PDE11A: variants seen among roughly 807,000 people sequenced by gnomAD.
PDE11A encodes dual 3',5'-cyclic-AMP and -GMP phosphodiesterase 11A.
In PDE11A, 100 loss-of-function variants were observed where a neutral mutation model predicts 100.5. That is an observed-to-expected ratio of 1.00 (90% CI 0.85 to 1.18). The LOEUF (loss-of-function observed/expected upper bound fraction) is 1.18. PDE11A is among the 50% of genes most tolerant of loss of function. The pLI is 0.00. For missense variants in PDE11A, 1,141 were observed against 1,152.6 expected (o/e 0.99, Z 0.15); for synonymous variants, 381 against 420.8 (o/e 0.91, Z 1.16).
intron 19 of PDE11A, among the ~76,000 whole-genome samples, chr2:177,658,173 T>G (rs1036662788): frequency 6.6e-6 from 1 of 152,132 alleles, no homozygotes; most frequent in Non-Finnish European, 1.5e-5. Flanking sequence ...GTACCAGGGG[T>G]CCTTCTCTTG....
At chr2:177,664,642 T>C (rs968515512) in intron 18 of PDE11A, among the ~76,000 whole-genome samples, 19 of 152,286 alleles carry the variant, frequency 1.2e-4, no homozygotes, top group African/African-American at 4.6e-4. Flanking sequence ...AAACAATCAA[T>C]TGGAATTTTA....
intron 10 of PDE11A, among the ~76,000 whole-genome samples, chr2:177,741,280 T>G (rs930735275): frequency 2.0e-5 from 3 of 152,188 alleles, no homozygotes; most frequent in African/African-American, 7.2e-5. Context: ...CGGCCTTCTC[T>G]CTGTACATGT....
chr2:177,866,252 C>T (rs1213590774), intron 5 of PDE11A, among the ~76,000 whole-genome samples: 1 of 152,154 alleles, frequency 6.6e-6, no homozygotes, highest in Non-Finnish European at 1.5e-5. Flanking sequence ...GTCCAAGCCT[C>T]CCCTGGAGCT....
intron 15 of PDE11A, among the ~76,000 whole-genome samples, chr2:177,692,958 G>A (rs2081061769): frequency 1.3e-5 from 2 of 152,080 alleles, no homozygotes; most frequent in African/African-American, 4.8e-5. Context: ...CAAAAGGCAG[G>A]GCTCTACCCT....
rs1441393727 is a variant in PDE11A at position 177,736,069 on chromosome 2, C to A, written c.1789-7897G>T. ...CTGGGAATATTTGAAGACCAAGCAA[C>A]CCTTTGTGTCCTCCAGGGAAAAGGA... On this transcript the variant is annotated intron_variant, in intron 10 of 19. Transcript: ENST00000286063. Among the ~76,000 whole-genome samples the A allele has an allele frequency of 2.0e-5, 3 of 152,192 alleles. No homozygotes were observed. In the East Asian group the frequency reaches 5.8e-4, roughly 29 times the overall value.
intron 3 of PDE11A, among the ~76,000 whole-genome samples, chr2:177,904,879 A>T (rs1214225394): frequency 2.0e-5 from 3 of 151,990 alleles, no homozygotes; most frequent in Non-Finnish European, 4.4e-5. Context: ...AGAAGCTTGT[A>T]CCCCTTCCCC....
At chr2:178,099,630 C>A (rs894407857) in intron 2 of PDE11A, among the ~76,000 whole-genome samples, 1 of 151,964 alleles carries the variant, frequency 6.6e-6, no homozygotes, top group Non-Finnish European at 1.5e-5. Context: ...GAAATTAGAA[C>A]CCTTGTGTAT....
intron 9 of PDE11A, among the ~76,000 whole-genome samples, chr2:177,800,296 A>C (rs554971974): frequency 2.6e-5 from 4 of 151,936 alleles, no homozygotes; most frequent in African/African-American, 9.7e-5. Flanking sequence ...CAGCTTCCTG[A>C]GTAGCTGGGA....
intron 4 of PDE11A, among the ~76,000 whole-genome samples, chr2:177,877,710 G>C (rs79721908): frequency 0.011 from 1,690 of 152,212 alleles, 31 homozygotes; most frequent in African/African-American, 0.038. Context: ...CAGTTCCAAG[G>C]CCTTTTAATT....
At chr2:177,822,412 A>T (rs1173963479) in intron 6 of PDE11A, among the ~76,000 whole-genome samples, 1 of 151,880 alleles carries the variant, frequency 6.6e-6, no homozygotes, top group African/African-American at 2.4e-5. Context: ...ATATATTTGG[A>T]TCTGTTTCTG....
rs2105427399 is a variant in PDE11A, at chr2:177,629,097, T to C, written c.*310A>G. The C allele has an allele frequency of 4.7e-6, 2 of 423,468 alleles. No homozygotes were observed. The highest frequency in any genetic ancestry group is 8.8e-6 in the Non-Finnish European group (2 of 226,208). 26.2% of individuals were successfully genotyped at this position (423,468 alleles called of 1,614,324 possible). A position where few individuals can be genotyped will look rare whatever the true frequency, so the allele number is the denominator to read the frequency against. ...CAGTGTTCCCTCAGCTCAGAGTAAG[T>C]AGGCCGACTGTCCACAGGTCCTTGG... On this transcript the variant is annotated 3_prime_UTR_variant, in exon 20 of 20. Coordinates refer to ENST00000286063, the MANE Select transcript of PDE11A (RefSeq NM_016953.4).
intron 2 of PDE11A, among the ~76,000 whole-genome samples, chr2:177,925,586 T>G (rs1240291445): frequency 1.3e-5 from 2 of 152,222 alleles, no homozygotes; most frequent in African/African-American, 4.8e-5. Context: ...GTTTGTTTTT[T>G]TCTTGTAAAT....
chr2:177,973,295 GT>G (rs1455246539), intron 2 of PDE11A, among the ~76,000 whole-genome samples: 1 of 120,538 alleles, frequency 8.3e-6, no homozygotes, highest in African/African-American at 3.3e-5. Context: ...GGGTCAGGGA[GT>G]TCCCTTTCCG....
intron 13 of PDE11A, among the ~76,000 whole-genome samples, chr2:177,709,442 T>C (rs1198120555): frequency 6.6e-6 from 1 of 152,048 alleles, no homozygotes; most frequent in Non-Finnish European, 1.5e-5. Context: ...GTGGGGCCAT[T>C]CCTTGGGGTA....
intron 9 of PDE11A, among the ~76,000 whole-genome samples, chr2:177,815,687 T>A (rs574053254): frequency 3.9e-5 from 6 of 152,294 alleles, no homozygotes; most frequent in Non-Finnish European, 1.5e-5. Flanking sequence ...GCCAGAAAAT[T>A]AAAAGCACAT....
At chr2:177,890,280 C>T (rs1312224987) in intron 4 of PDE11A, among the ~76,000 whole-genome samples, 1 of 152,186 alleles carries the variant, frequency 6.6e-6, no homozygotes, top group Non-Finnish European at 1.5e-5. Flanking sequence ...TCCAGGATGA[C>T]TTGTCTGCAA....
chr2:177,807,071 G>A lies in PDE11A; in HGVS notation c.1737+9758C>T, dbSNP rs149986342. Among the ~76,000 whole-genome samples the A allele has an allele frequency of 1.2e-3, 175 of 152,048 alleles. 1 individual carries two copies. The highest frequency in any genetic ancestry group is 4.1e-3 in the African/African-American group (172 of 41,498). On this transcript the variant is annotated intron_variant, in intron 9 of 19. Transcript: ENST00000286063. ...AACTCTTAGATCCAAGAAACTCGGC[G>A]AACACCAAGCATAAGAAACATAAAG...
chr2:177,986,085 A>C (rs2085935894), intron 2 of PDE11A, among the ~76,000 whole-genome samples: 1 of 152,182 alleles, frequency 6.6e-6, no homozygotes, highest in Non-Finnish European at 1.5e-5. Flanking sequence ...TGTTGTATGC[A>C]ACTACAAACA....
At chr2:178,061,118 T>TA (rs2086963780) in intron 1 of PDE11A, among the ~76,000 whole-genome samples, 1 of 151,900 alleles carries the variant, frequency 6.6e-6, no homozygotes, top group Non-Finnish European at 1.5e-5. Flanking sequence ...TAATTTTTTG[T>TA]ATTTTTAGTA....
Sources: gnomAD v4.1 joint callset for allele counts (sites outside exome capture counted in the v4.1 genomes callset) on GRCh38, gnomAD v4.1.1 for gene constraint, MANE v1.5 for transcripts, NCBI Gene and HGNC (gene_info 2026-07-23, HGNC 2026-07-21) for gene names.